NLE1: variants seen among roughly 807,000 people sequenced by gnomAD.
NLE1 encodes the protein notchless protein homolog 1.
NLE1 carries 37 observed loss-of-function variants against 62.8 expected under a neutral mutation model. That is an observed-to-expected ratio of 0.59 (90% confidence interval 0.45 to 0.78). The LOEUF (loss-of-function observed/expected upper bound fraction) is 0.78. NLE1 is among the 30% of genes least tolerant of loss of function. The pLI, the probability that NLE1 is intolerant of heterozygous loss-of-function variation, is 0.00. For synonymous variants in NLE1, 243 were observed against 253.0 expected (o/e 0.96, Z 0.37); for missense variants, 555 against 637.9 (o/e 0.87, Z 1.40).
At chr17:35,140,916 C>T (rs959073836) in intron 2 of NLE1, among the ~76,000 whole-genome samples, 1 of 152,192 alleles carries the variant, frequency 6.6e-6, no homozygotes, top group African/African-American at 2.4e-5. Context: ...CATCTCATAA[C>T]AACCGTGGGA....
Position 35,130,538 on chromosome 17 carries a change from C to T in NLE1, c.*1899G>A, listed in dbSNP as rs564841104. On this transcript the variant is annotated 3_prime_UTR_variant, in exon 13 of 13. Transcript: ENST00000442241. ...CCATACCACCAGCACCCTGCGGGCC[C>T]GGGGTCTGGCAGAGTGGTATGGGCA... 4.1e-5 allele frequency: 52 copies of T among 1,269,598 alleles called. No individual in the cohort carries two copies. Among genetic ancestry groups the T allele is most frequent in the Admixed American group, 9.0e-5 (4 of 44,208 alleles). 78.6% of individuals were successfully genotyped at this position (1,269,598 alleles called of 1,614,324 possible). A position where few individuals can be genotyped will look rare whatever the true frequency, so the allele number is the denominator to read the frequency against.
In NLE1 at chr17:35,138,313, T is replaced by C. The variant is rs181679366; in HGVS notation, c.461-423A>G. On this transcript the variant is annotated intron_variant, in intron 4 of 12. Transcript: ENST00000442241. Reference sequence around the variant, plus strand: ...AGCAGTGGTTCTTCAAGTGTGGTCGTCAGAGCAGCAGCATCAGCATCTCCT... The same window carrying C: ...AGCAGTGGTTCTTCAAGTGTGGTCGCCAGAGCAGCAGCATCAGCATCTCCT... Among the ~76,000 whole-genome samples, 198 of 152,276 alleles carry C rather than the reference T, an allele frequency of 1.3e-3. 3 individuals are homozygous for C. The highest frequency in any genetic ancestry group is 2.9e-4 in the Non-Finnish European group (20 of 68,012).
At chr17:35,136,519 C>A in intron 7 of NLE1, 22 bp from the exon 8 acceptor site, 1 of 1,597,946 alleles carries the variant, frequency 6.3e-7, no homozygotes, top group Non-Finnish European at 8.6e-7. Context: ...CGAGTCAGGT[C>A]AGACACACAC....
chr17:35,137,790 C>T, intron 5 of NLE1, 24 bp downstream of exon 5: 1 of 1,600,028 alleles, frequency 6.2e-7, no homozygotes, highest in Non-Finnish European at 8.6e-7. Context: ...GAGTCTCTGC[C>T]TAGTTACCCT....
chr17:35,130,203 A>G lies in NLE1; in HGVS notation c.*2234T>C. ...AGGTCTGAGTCAGCAGACAGAAAAA[A>G]AAGGGGTGATAGAGACAGAGAGAGA... On this transcript the variant is annotated 3_prime_UTR_variant, in exon 13 of 13. Transcript: ENST00000442241. 1 of 1,543,360 alleles carries G rather than the reference A, an allele frequency of 6.5e-7. No individual in the cohort carries two copies. The highest frequency in any genetic ancestry group is 8.7e-7 in the Non-Finnish European group (1 of 1,147,570).
intron 10 of NLE1, 73 bp from the exon 11 acceptor site, chr17:35,133,571 G>C: frequency 7.2e-7 from 1 of 1,397,942 alleles, no homozygotes; most frequent in Non-Finnish European, 9.7e-7. Context: ...GGTCCCCTAC[G>C]CTCATGGCAG....
chr17:35,137,948 C>T, intron 4 of NLE1, 58 bp from the exon 5 acceptor site: 1 of 1,324,794 alleles, frequency 7.5e-7, no homozygotes, highest in South Asian at 1.2e-5. Context: ...CCCAAGTGCC[C>T]AGCAGTGCCT....
In NLE1 at chr17:35,137,848, C is replaced by A. The variant is rs774491236; in HGVS notation, c.503G>T (p.Gly168Val). The A allele has an allele frequency of 3.5e-5, 56 of 1,613,684 alleles. No individual in the cohort carries two copies. The highest frequency in any genetic ancestry group is 1.2e-4 in the African/African-American group (9 of 75,012). ...CTTGCAGCCTGAGGCCAGCTTCCTG[C>A]CATCTGGAGACCAGGATATACTAAG... ...WVLSISWSPDGRKLASGCKNG... is the reference protein window; with the variant it reads ...WVLSISWSPDVRKLASGCKNG... The change falls in exon 5 of 13, where the codon GGC becomes GTC. Residue 168 changes from glycine to valine, a missense_variant. By Grantham distance (109) the Gly-to-Val change is moderately radical. Coordinates refer to ENST00000442241, the MANE Select transcript of NLE1 (RefSeq NM_018096.5).
chr17:35,133,809 C>T lies in NLE1; in HGVS notation c.1215-311G>A, dbSNP rs72823674. Among the ~76,000 whole-genome samples the T allele has an allele frequency of 3.9e-3, 601 of 152,234 alleles. 3 individuals are homozygous for T. The highest frequency in any genetic ancestry group is 6.4e-3 in the Non-Finnish European group (438 of 68,008). On this transcript the variant is annotated intron_variant, in intron 10 of 12. Transcript: ENST00000442241. The stretch of plus-strand genomic sequence containing the variant: ...TCTGCTTAGCCCATCTGCCTGTCAT[C>T]CCCCCAAACAGCAAGTGCCTGCTGA...
intron 10 of NLE1, among the ~76,000 whole-genome samples, chr17:35,134,495 G>A (rs1349195652): frequency 3.9e-5 from 6 of 151,900 alleles, no homozygotes; most frequent in African/African-American, 1.5e-4. Context: ...TGCCTCCCAA[G>A]TTCAAATGAT....
chr17:35,130,454 C>T lies in NLE1; in HGVS notation c.*1983G>A. 6.2e-7 allele frequency: 1 copy of T among 1,608,598 alleles called. No individual in the cohort carries two copies. The highest frequency in any genetic ancestry group is 8.5e-7 in the Non-Finnish European group (1 of 1,177,180). The stretch of plus-strand genomic sequence containing the variant: ...TGTTAAGGGGGAGGGCCCCAGGACA[C>T]CCCTCACCTACTTTCAGCTTCAACC... On this transcript the variant is annotated 3_prime_UTR_variant, in exon 13 of 13. Coordinates refer to ENST00000442241, the MANE Select transcript of NLE1 (RefSeq NM_018096.5).
rs538500331 is a variant in NLE1 at position 35,131,983 on chromosome 17, C to T, written c.*454G>A. 2.0e-4 allele frequency: 31 copies of T among 153,082 alleles called. No homozygotes were observed. The East Asian group carries it at 4.8e-3, about 24-fold the overall frequency. The allele number at this position is 153,082 out of a possible 1,614,324, so 9.5% of individuals were successfully genotyped here. A position where few individuals can be genotyped will look rare whatever the true frequency, so the allele number is the denominator to read the frequency against. ...GTTTTGGCGTAGTCCAGTGCAAGGG[C>T]GGGGGCTGGACAATCTCATTTAGCA... is the stretch of plus-strand genomic sequence containing the variant. On this transcript the variant is annotated 3_prime_UTR_variant, in exon 13 of 13. Coordinates refer to ENST00000442241, the MANE Select transcript of NLE1 (RefSeq NM_018096.5).
In NLE1 at chr17:35,133,497, A is replaced by G. The variant is rs2306513; in HGVS notation, c.1216T>C (p.Tyr406His). 5.7e-3 allele frequency: 9,196 copies of G among 1,610,292 alleles called. 386 individuals are homozygous for G. In the East Asian group the frequency reaches 0.11, roughly 19 times the overall value. ...IKLWDGRTGK[Y>H]LASLRGHVAA... ...ACGTGGCCGCGTAGGGAAGCCAGGT[A>G]CCTGGTCCAGGAGAAGACGATGATG... Residue 406 changes from tyrosine to histidine, a missense_variant and splice_region_variant, in exon 11 of 13, where the codon TAC (tyrosine) becomes CAC (histidine). By Grantham distance (83) the Tyr-to-His change is moderately conservative. Coordinates refer to ENST00000442241, the MANE Select transcript of NLE1 (RefSeq NM_018096.5).
At position 35,128,739 on chromosome 17, in the gene NLE1, G is replaced by A. The variant is rs1210529949; in HGVS notation, c.*3698C>T. On this transcript the variant is annotated 3_prime_UTR_variant, in exon 13 of 13. Transcript: ENST00000442241. Reference sequence around the variant, plus strand: ...CCGGTTGGGGGGATGGTTTCAGGATGAGTCAAGCATATTACATTTATTGTG... The same window carrying A: ...CCGGTTGGGGGGATGGTTTCAGGATAAGTCAAGCATATTACATTTATTGTG... 1 of 153,750 alleles carries A rather than the reference G, an allele frequency of 6.5e-6. No individual in the cohort carries two copies. The highest frequency in any genetic ancestry group is 1.4e-5 in the Non-Finnish European group (1 of 69,276). 9.5% of individuals were successfully genotyped at this position (153,750 alleles called of 1,614,324 possible).
At chr17:35,135,701 G>A (rs1238822236) in intron 9 of NLE1, among the ~76,000 whole-genome samples, 2 of 152,138 alleles carry the variant, frequency 1.3e-5, no homozygotes, top group Non-Finnish European at 2.9e-5. Context: ...TACAGAAAAA[G>A]GCACAAAATA....
At chr17:35,133,597 GCTGT>G in intron 10 of NLE1, 99 bp from the exon 11 acceptor site, 1 of 1,164,408 alleles carries the variant, frequency 8.6e-7, no homozygotes, top group Non-Finnish European at 1.2e-6. Context: ...CTCAACCTCG[GCTGT>G]CTGTTAGAAA....
Position 35,135,293 on chromosome 17 carries a change from G to C in NLE1, c.1170C>G (p.Ala390=), listed in dbSNP as rs771292661. 17 of 1,614,066 alleles carry C rather than the reference G, an allele frequency of 1.1e-5. No individual in the cohort carries two copies. In the Admixed American group the frequency reaches 1.7e-4, roughly 16 times the overall value. Residue 390 remains alanine (A), a synonymous_variant, in exon 10 of 13, where the codon GCC becomes GCG. Coordinates refer to ENST00000442241, the MANE Select transcript of NLE1 (RefSeq NM_018096.5). Reference sequence around the variant, plus strand: ...ACAGCTTGATGGACTTGTCAAAGGAGGCACTAGCCACGATGCGGGAGTCAG... The same window carrying C: ...ACAGCTTGATGGACTTGTCAAAGGACGCACTAGCCACGATGCGGGAGTCAG... ...FSPDSRIVAS[A]SFDKSIKLWD...
chr17:35,129,353 T>G lies in NLE1; in HGVS notation c.*3084A>C. On this transcript the variant is annotated 3_prime_UTR_variant, in exon 13 of 13. Coordinates refer to ENST00000442241, the MANE Select transcript of NLE1 (RefSeq NM_018096.5). Reference sequence around the variant, plus strand: ...TGGGCATGGGACGTCCTGACCCCAGTTGGGAGGGTGAAGGGACAGGAAGGA... The same window carrying G: ...TGGGCATGGGACGTCCTGACCCCAGGTGGGAGGGTGAAGGGACAGGAAGGA... The G allele has an allele frequency of 1.3e-6, 2 of 1,563,084 alleles. No individual in the cohort carries two copies. Among genetic ancestry groups the G allele is most frequent in the Non-Finnish European group, 1.7e-6 (2 of 1,149,848 alleles).
At position 35,133,465 on chromosome 17, in the gene NLE1, G is replaced by A. The variant is rs148833526; in HGVS notation, c.1248C>T (p.Ala416=). Residue 416 remains alanine (A), a synonymous_variant, in exon 11 of 13, where the codon GCC becomes GCT. Coordinates refer to ENST00000442241, the MANE Select transcript of NLE1 (RefSeq NM_018096.5). ...YLASLRGHVA[A]VYQIAWSADS... ...CAGCTGACCACGCAATCTGGTACAC[G>A]GCAGCCACGTGGCCGCGTAGGGAAG... 2.4e-4 allele frequency: 392 copies of A among 1,613,692 alleles called. 4 individuals carry two copies. The East Asian group carries it at 4.5e-3, about 18-fold the overall frequency.
Sources: gnomAD v4.1 joint callset for allele counts (sites outside exome capture counted in the v4.1 genomes callset) on GRCh38, gnomAD v4.1.1 for gene constraint, MANE v1.5 for transcripts, NCBI Gene and HGNC (gene_info 2026-07-23, HGNC 2026-07-21) for gene names.